The following NTM variants were observed in gnomAD, a reference collection of about 807,000 sequenced individuals.
NTM encodes the protein IgLON family member 2.
In NTM, 13 loss-of-function variants were observed where a neutral mutation model predicts 42.1. The observed-to-expected ratio is 0.31, with a 90% CI of 0.20 to 0.49. NTM has a LOEUF of 0.49. NTM is among the 20% of genes least tolerant of loss of function. NTM has a pLI of 0.99. For missense variants in NTM, 373 were observed against 452.8 expected (o/e 0.82, Z 1.60); for synonymous variants, 187 against 179.2 (o/e 1.04, Z -0.35).
intron 2 of NTM, among the ~76,000 whole-genome samples, chr11:132,033,967 A>G (rs1230573544): frequency 6.6e-6 from 1 of 152,204 alleles, no homozygotes; most frequent in African/African-American, 2.4e-5. Flanking sequence ...CAGTTTTAGA[A>G]AGACCTTAAA....
intron 2 of NTM, among the ~76,000 whole-genome samples, chr11:132,041,717 A>AGACAGCCCCCAGTACCCCAGT (rs1453407779): frequency 1.3e-5 from 2 of 152,126 alleles, no homozygotes; most frequent in African/African-American, 4.8e-5. Flanking sequence ...AGTACTGCTG[A>AGACAGCCCCCAGTACCCCAGT]GTTGCTGGGC....
intron 1 of NTM, among the ~76,000 whole-genome samples, chr11:131,643,356 A>G (rs61285355): frequency 0.067 from 10,175 of 152,286 alleles, 1,127 homozygotes; most frequent in African/African-American, 0.23. Flanking sequence ...AAGCCTGCTG[A>G]CGGTTCCAGC....
At chr11:132,309,596 A>G (rs2095216099) in intron 5 of NTM, among the ~76,000 whole-genome samples, 2 of 152,242 alleles carry the variant, frequency 1.3e-5, no homozygotes, top group Admixed American at 6.5e-5. Context: ...AACTCTGTAC[A>G]GAGGAGAACA....
At chr11:131,789,635 A>AAGAAGAAGAAGAAGAAGAAG (rs2090463396) in intron 1 of NTM, among the ~76,000 whole-genome samples, 1 of 37,906 alleles carries the variant, frequency 2.6e-5, no homozygotes, top group African/African-American at 9.4e-5. Context: ...GAAGAAGAAG[A>AAGAAGAAGAAGAAGAAGAAG]AAAGAAGAAG....
In NTM at chr11:132,335,639, TAAAA is replaced by T. The variant is rs1401014340; in HGVS notation, c.*495_*498del. 3 of 151,154 alleles carry T rather than the reference TAAAA, an allele frequency of 2.0e-5. No individual in the cohort carries two copies. Among genetic ancestry groups the T allele is most frequent in the East Asian group, 3.9e-4 (2 of 5,120 alleles). 9.4% of individuals were successfully genotyped at this position (151,154 alleles called of 1,614,324 possible). ...ACGGCGTGTGTTGTGAAACGTGAAA[TAAAA>T]AGAGCAAGAAAGAAAAAGGAAACAA... On this transcript the variant is annotated 3_prime_UTR_variant, in exon 9 of 9. Transcript: ENST00000683400.
intron 4 of NTM, among the ~76,000 whole-genome samples, chr11:132,290,838 A>C (rs1338040442): frequency 6.6e-6 from 1 of 152,224 alleles, no homozygotes; most frequent in African/African-American, 2.4e-5. Flanking sequence ...TTCTTATACG[A>C]GCTGAACTTA....
intron 1 of NTM, among the ~76,000 whole-genome samples, chr11:131,823,255 T>G (rs1010657630): frequency 6.6e-6 from 1 of 152,232 alleles, no homozygotes; most frequent in African/African-American, 2.4e-5. Context: ...CAAAAGTAAC[T>G]GCCCCTTAGG....
chr11:131,779,461 A>C (rs1194902410), intron 1 of NTM, among the ~76,000 whole-genome samples: 10 of 152,154 alleles, frequency 6.6e-5, no homozygotes, highest in African/African-American at 2.4e-4. Flanking sequence ...CTTGCAAAAA[A>C]TATTTTTTAA....
At chr11:131,474,210 A>G (rs1591772251) in intron 1 of NTM, among the ~76,000 whole-genome samples, 1 of 152,134 alleles carries the variant, frequency 6.6e-6, no homozygotes, top group Non-Finnish European at 1.5e-5. Flanking sequence ...TTCTCTGAAC[A>G]TATCCACATC....
intron 1 of NTM, among the ~76,000 whole-genome samples, chr11:131,578,255 A>C (rs777647979): frequency 1.3e-5 from 2 of 152,224 alleles, no homozygotes; most frequent in Non-Finnish European, 2.9e-5. Context: ...ACAGGGAAAA[A>C]ATGCAATATT....
chr11:131,828,653 G>C (rs950725911), intron 1 of NTM, among the ~76,000 whole-genome samples: 2 of 151,884 alleles, frequency 1.3e-5, no homozygotes, highest in Non-Finnish European at 2.9e-5. Flanking sequence ...CACCACCACT[G>C]TTACTACTAT....
chr11:131,684,103 A>G (rs1401302997), intron 1 of NTM, among the ~76,000 whole-genome samples: 1 of 152,110 alleles, frequency 6.6e-6, no homozygotes, highest in African/African-American at 2.4e-5. Flanking sequence ...TCATTGCTTC[A>G]TTCTGTCTGT....
At chr11:131,907,989 T>C (rs558999024) in intron 1 of NTM, among the ~76,000 whole-genome samples, 5 of 152,350 alleles carry the variant, frequency 3.3e-5, no homozygotes, top group African/African-American at 1.2e-4. Context: ...TCTCTGACCT[T>C]TCACCACTTT....
At chr11:131,860,061 G>A (rs1390611818) in intron 1 of NTM, among the ~76,000 whole-genome samples, 2 of 152,144 alleles carry the variant, frequency 1.3e-5, no homozygotes, top group East Asian at 3.9e-4. Flanking sequence ...GTCACTCCTG[G>A]GGGATGATGC....
At chr11:131,897,771 A>G (rs568337247) in intron 1 of NTM, among the ~76,000 whole-genome samples, 1 of 152,238 alleles carries the variant, frequency 6.6e-6, no homozygotes, top group Non-Finnish European at 1.5e-5. Context: ...TTGTTTGCTC[A>G]TACCTCTAAA....
chr11:131,704,200 A>T (rs1413292634), intron 1 of NTM, among the ~76,000 whole-genome samples: 1 of 152,186 alleles, frequency 6.6e-6, no homozygotes, highest in Non-Finnish European at 1.5e-5. Flanking sequence ...CCCAGTCTCC[A>T]GGCCCATACC....
intron 1 of NTM, among the ~76,000 whole-genome samples, chr11:131,468,304 G>T (rs1465951211): frequency 2.6e-5 from 4 of 152,216 alleles, no homozygotes; most frequent in Non-Finnish European, 5.9e-5. Context: ...ACGTGATTCC[G>T]CATGCAGCCT....
chr11:131,623,186 A>G (rs1282794888), intron 1 of NTM, among the ~76,000 whole-genome samples: 1 of 152,194 alleles, frequency 6.6e-6, no homozygotes, highest in African/African-American at 2.4e-5. Context: ...CAATCAGACT[A>G]TCAAGGCTGA....
chr11:132,104,989 A>ATATT (rs2062167826), intron 2 of NTM, among the ~76,000 whole-genome samples: 10 of 104,662 alleles, frequency 9.6e-5, no homozygotes, highest in Non-Finnish European at 1.5e-4. Context: ...ATATATATAT[A>ATATT]TATTTCATGG....
Sources: allele counts gnomAD v4.1 joint callset (sites outside exome capture counted in the v4.1 genomes callset), GRCh38; gene constraint gnomAD v4.1.1; transcripts MANE v1.5; gene names NCBI Gene and HGNC (gene_info 2026-07-23, HGNC 2026-07-21).